EYA4: variants seen among roughly 807,000 people sequenced by gnomAD.
The protein encoded by EYA4 is protein phosphatase EYA4.
EYA4 carries 31 observed loss-of-function variants against 87.9 expected under a neutral mutation model. That is an observed-to-expected ratio of 0.35 (90% confidence interval 0.27 to 0.48). EYA4 has a LOEUF of 0.48. EYA4 is among the 20% of genes least tolerant of loss of function. The pLI, the probability that EYA4 is intolerant of heterozygous loss-of-function variation, is 0.99. For missense variants in EYA4, 678 were observed against 761.4 expected (o/e 0.89, Z 1.29); for synonymous variants, 263 against 270.6 (o/e 0.97, Z 0.28).
chr6:133,450,071 C>T (rs987014482), intron 5 of EYA4, among the ~76,000 whole-genome samples: 1 of 151,968 alleles, frequency 6.6e-6, no homozygotes, highest in Non-Finnish European at 1.5e-5. Flanking sequence ...CTGCAAGCTC[C>T]GCCTCCCGGG....
chr6:133,368,319 A>G (rs1023201876), intron 2 of EYA4, among the ~76,000 whole-genome samples: 5 of 152,208 alleles, frequency 3.3e-5, no homozygotes, highest in African/African-American at 9.6e-5. Context: ...GAAAATTACA[A>G]TCCACCCAGG....
At chr6:133,352,836 GGAAAATC>G (rs1783739462) in intron 2 of EYA4, among the ~76,000 whole-genome samples, 1 of 152,052 alleles carries the variant, frequency 6.6e-6, no homozygotes, top group Admixed American at 6.6e-5. Flanking sequence ...AATGAAAGTT[GGAAAATC>G]AGTCGCCTGT....
chr6:133,272,959 G>A (rs1776827898), intron 1 of EYA4, among the ~76,000 whole-genome samples: 1 of 151,916 alleles, frequency 6.6e-6, no homozygotes. Flanking sequence ...CTTTTGGTAA[G>A]CAGAACTGGC....
chr6:133,426,896 C>T (rs190776652), intron 3 of EYA4, among the ~76,000 whole-genome samples: 13 of 152,320 alleles, frequency 8.5e-5, no homozygotes, highest in African/African-American at 2.9e-4. Context: ...CTCCTTGGAA[C>T]TTCTGAACTA....
intron 1 of EYA4, among the ~76,000 whole-genome samples, chr6:133,257,344 C>T (rs911963229): frequency 3.3e-5 from 5 of 152,112 alleles, no homozygotes; most frequent in African/African-American, 4.8e-5. Context: ...AACTCTCCTT[C>T]CCCCAACGTA....
At chr6:133,290,517 A>G (rs1054506158) in intron 2 of EYA4, among the ~76,000 whole-genome samples, 2 of 152,190 alleles carry the variant, frequency 1.3e-5, no homozygotes, top group African/African-American at 4.8e-5. Context: ...TGAAGAAAAA[A>G]GGGGAGGAGT....
At chr6:133,399,191 G>A (rs1788053739) in intron 3 of EYA4, among the ~76,000 whole-genome samples, 1 of 152,096 alleles carries the variant, frequency 6.6e-6, no homozygotes, top group Non-Finnish European at 1.5e-5. Context: ...AATTTTTAGT[G>A]TCAGGCCAAG....
chr6:133,491,525 A>G (rs1797149948), intron 13 of EYA4, among the ~76,000 whole-genome samples: 1 of 152,192 alleles, frequency 6.6e-6, no homozygotes, highest in African/African-American at 2.4e-5. Context: ...GTGAGAAACT[A>G]CATGCCAATA....
At chr6:133,318,272 G>T (rs1369949384) in intron 2 of EYA4, among the ~76,000 whole-genome samples, 1 of 152,130 alleles carries the variant, frequency 6.6e-6, no homozygotes, top group African/African-American at 2.4e-5. Flanking sequence ...CTTCGCTGAT[G>T]ATAGAACTTA....
intron 11 of EYA4, among the ~76,000 whole-genome samples, chr6:133,473,632 C>T (rs1333124871): frequency 2.0e-5 from 3 of 151,896 alleles, no homozygotes; most frequent in East Asian, 1.9e-4. Context: ...GATGCCCCTA[C>T]ATTTTAGTTT....
chr6:133,363,932 A>C (rs1784662623), intron 2 of EYA4, among the ~76,000 whole-genome samples: 1 of 152,152 alleles, frequency 6.6e-6, no homozygotes, highest in Non-Finnish European at 1.5e-5. Flanking sequence ...ACCTCACTTG[A>C]GAAAGTGGCA....
At chr6:133,453,184 G>C (rs1793610411) in intron 5 of EYA4, 2 of 151,944 alleles carry the variant, frequency 1.3e-5, no homozygotes, top group African/African-American at 4.8e-5. Context: ...GTAGTAATAA[G>C]ACTAGATTTG....
chr6:133,467,996 G>A (rs1392097258), intron 10 of EYA4, among the ~76,000 whole-genome samples: 1 of 151,950 alleles, frequency 6.6e-6, no homozygotes, highest in Non-Finnish European at 1.5e-5. Context: ...GCCTCAGGTG[G>A]CATGTAGTTT....
At chr6:133,409,326 A>G (rs1426268242) in intron 3 of EYA4, among the ~76,000 whole-genome samples, 1 of 152,210 alleles carries the variant, frequency 6.6e-6, no homozygotes, top group Non-Finnish European at 1.5e-5. Flanking sequence ...TGCAAAATAT[A>G]TACACACAAA....
intron 2 of EYA4, among the ~76,000 whole-genome samples, chr6:133,335,999 G>A (rs138266570): frequency 1.3e-3 from 192 of 152,186 alleles, no homozygotes; most frequent in Middle Eastern, 0.01. Context: ...TAACACAAAT[G>A]GAAGAAATTA....
chr6:133,257,002 A>T (rs1775391175), intron 1 of EYA4, among the ~76,000 whole-genome samples: 1 of 152,028 alleles, frequency 6.6e-6, no homozygotes, highest in Non-Finnish European at 1.5e-5. Flanking sequence ...ATTCAATAGG[A>T]CTTACACATA....
At chr6:133,442,817 G>C (rs1361007549) in intron 3 of EYA4, among the ~76,000 whole-genome samples, 1 of 151,776 alleles carries the variant, frequency 6.6e-6, no homozygotes, top group Non-Finnish European at 1.5e-5. Flanking sequence ...ATCAGACAGA[G>C]GAAAAATACT....
rs146999911 is a variant in EYA4 at position 133,461,158 on chromosome 6, T to A, written c.415T>A (p.Ser139Thr). 3.0e-5 allele frequency: 48 copies of A among 1,612,936 alleles called. No homozygotes were observed. In the African/African-American group the frequency reaches 6.1e-4, roughly 21 times the overall value. ...GYSPRSAHQY[S>T]PQLYPSKPYP... ...CAGCCCCAGATCAGCACATCAGTATTCCCCACAGCTGTATCCTTCCAAGTA... is the reference window on the plus strand; with the variant it reads ...CAGCCCCAGATCAGCACATCAGTATACCCCACAGCTGTATCCTTCCAAGTA... Residue 139 changes from serine (S) to threonine (T), a missense_variant, in exon 7 of 20, where the codon TCC (serine) becomes ACC (threonine). Ser to Thr is a moderately conservative substitution (Grantham distance 58). Coordinates refer to ENST00000355286, the MANE Select transcript of EYA4 (RefSeq NM_004100.5).
chr6:133,411,571 A>G (rs1417725298), intron 3 of EYA4, among the ~76,000 whole-genome samples: 4 of 151,958 alleles, frequency 2.6e-5, no homozygotes, highest in Non-Finnish European at 4.4e-5. Flanking sequence ...ATCTATATAT[A>G]TATATATTCG....
Sources: gnomAD v4.1 joint callset for allele counts (sites outside exome capture counted in the v4.1 genomes callset) on GRCh38, gnomAD v4.1.1 for gene constraint, MANE v1.5 for transcripts, NCBI Gene and HGNC (gene_info 2026-07-23, HGNC 2026-07-21) for gene names.